ASAH2: variants seen among roughly 807,000 people sequenced by gnomAD.
The protein encoded by ASAH2 is N-acylsphingosine amidohydrolase 2.
Under a neutral mutation model 82.9 loss-of-function variants are expected in ASAH2, and 58 were observed. That is an observed-to-expected ratio of 0.70 (90% CI 0.57 to 0.87). The LOEUF (loss-of-function observed/expected upper bound fraction) is 0.87. ASAH2 is among the 40% of genes least tolerant of loss of function. ASAH2 has a pLI of 0.00. For missense variants in ASAH2, 779 were observed against 834.0 expected, an observed-to-expected ratio of 0.93 and a Z score of 0.81; for synonymous variants, 276 against 289.7, an observed-to-expected ratio of 0.95 and a Z score of 0.48.
Position 50,236,017 on chromosome 10 carries a change from A to G in ASAH2, c.558T>C (p.Asp186=). ...TGTGAGTGCCACTCAGGATGACATT[A>G]TCTCTTCTGTACAGGGAGCCATATT... is the stretch of plus-strand genomic sequence containing the variant. ...QSKYGSLYRR[D]NVILSGTHTH... is the part of the protein sequence containing the mutation. The change falls in exon 5 of 21, where the codon GAT becomes GAC. Residue 186 remains aspartate, a synonymous_variant. Coordinates refer to ENST00000682911, the MANE Select transcript of ASAH2 (RefSeq NM_019893.4). The G allele has an allele frequency of 3.1e-6, 5 of 1,613,326 alleles. No individual in the cohort carries two copies. Among genetic ancestry groups the G allele is most frequent in the Non-Finnish European group, 3.4e-6 (4 of 1,179,424 alleles).
intron 6 of ASAH2, among the ~76,000 whole-genome samples, chr10:50,233,594 A>T (rs1846069999): frequency 6.6e-6 from 1 of 152,162 alleles, no homozygotes; most frequent in Admixed American, 6.6e-5. Context: ...ATTTTTAATG[A>T]AATCTCTTTA....
intron 1 of ASAH2, among the ~76,000 whole-genome samples, chr10:50,249,741 A>G (rs764684521): frequency 2.0e-5 from 3 of 152,190 alleles, no homozygotes; most frequent in Admixed American, 6.5e-5. Context: ...AGTAGCAAAG[A>G]GTCTGTGCTC....
At chr10:50,200,249 C>T (rs1845104317) in intron 16 of ASAH2, among the ~76,000 whole-genome samples, 1 of 151,086 alleles carries the variant, frequency 6.6e-6, no homozygotes, top group African/African-American at 2.4e-5. Context: ...TGCTTAGAAT[C>T]CTACTGCAGT....
chr10:50,244,143 T>C (rs1242251031), intron 3 of ASAH2, among the ~76,000 whole-genome samples: 7 of 152,346 alleles, frequency 4.6e-5, no homozygotes, highest in African/African-American at 1.7e-4. Flanking sequence ...GCGGGACATA[T>C]GCAGAACGAC....
intron 16 of ASAH2, among the ~76,000 whole-genome samples, chr10:50,202,421 G>A (rs1407477626): frequency 6.6e-6 from 1 of 151,882 alleles, no homozygotes; most frequent in East Asian, 1.9e-4. Context: ...TATACTGTGA[G>A]GATTACTTTA....
At chr10:50,236,443 A>G (rs1846161085) in intron 4 of ASAH2, among the ~76,000 whole-genome samples, 1 of 152,066 alleles carries the variant, frequency 6.6e-6, no homozygotes, top group African/African-American at 2.4e-5. Flanking sequence ...CACCCTCATG[A>G]TTCAATTACC....
rs1291333768 is a variant in ASAH2, at chr10:50,215,975, G to A, written c.1015-1107C>T. ...GCACATATACACCATGGAATACTAT[G>A]CAGCCATAAAAAAGGATGAGTTCAT... On this transcript the variant is annotated intron_variant, in intron 8 of 20. Transcript: ENST00000682911. Among the ~76,000 whole-genome samples the A allele has an allele frequency of 2.0e-5, 3 of 152,148 alleles. No individual in the cohort carries two copies. The East Asian group carries it at 5.8e-4, about 29-fold the overall frequency.
rs905585560 is a variant in ASAH2 at position 50,240,353 on chromosome 10, T to C, written c.510+2849A>G. 3.5e-3 allele frequency among the ~76,000 whole-genome samples: 540 copies of C among 152,324 alleles called. 1 individual carries two copies. Among genetic ancestry groups the C allele is most frequent in the Non-Finnish European group, 6.3e-3 (426 of 68,024 alleles). ...ATCCCTCTGTTTGAAATACCTAGTA[T>C]GATGATTACTGTTTTCTTAACTGGA... On this transcript the variant is annotated intron_variant, in intron 4 of 20. Transcript: ENST00000682911.
intron 10 of ASAH2, 62 bp from the exon 11 acceptor site, chr10:50,211,196 A>AT: frequency 8.6e-7 from 1 of 1,169,196 alleles, no homozygotes; most frequent in Non-Finnish European, 1.3e-6. Context: ...CTCCAACTGT[A>AT]CTCAGGAAGT....
chr10:50,246,242 C>A (rs1846454353), intron 2 of ASAH2, among the ~76,000 whole-genome samples: 1 of 152,024 alleles, frequency 6.6e-6, no homozygotes, highest in South Asian at 2.1e-4. Flanking sequence ...ACTAAGTGAG[C>A]AAATCACTTA....
At chr10:50,218,303 T>C (rs1021620163) in intron 8 of ASAH2, among the ~76,000 whole-genome samples, 11 of 152,300 alleles carry the variant, frequency 7.2e-5, no homozygotes, top group Admixed American at 2.0e-4. Context: ...AAGGACTATG[T>C]AACACAAAAA....
chr10:50,218,683 C>A lies in ASAH2; in HGVS notation c.894-53G>T, dbSNP rs1845672411. ...AATCAGGAGAACGAGAGAACTGGGGCCAAGAACTATGACTGGGAGCTTAAG... is the reference window on the plus strand; with the variant it reads ...AATCAGGAGAACGAGAGAACTGGGGACAAGAACTATGACTGGGAGCTTAAG... On this transcript the variant is annotated intron_variant, in intron 7 of 20. Transcript: ENST00000682911. 3 of 1,609,350 alleles carry A rather than the reference C, an allele frequency of 1.9e-6. No homozygotes were observed. In the South Asian group the frequency reaches 3.3e-5, roughly 18 times the overall value.
At chr10:50,246,956 G>A (rs1846473925) in intron 2 of ASAH2, among the ~76,000 whole-genome samples, 1 of 152,060 alleles carries the variant, frequency 6.6e-6, no homozygotes, top group African/African-American at 2.4e-5. Flanking sequence ...TAAACAGTAG[G>A]ACTAGCATCC....
intron 4 of ASAH2, among the ~76,000 whole-genome samples, chr10:50,238,470 T>C (rs1395630372): frequency 1.3e-5 from 2 of 152,288 alleles, no homozygotes; most frequent in Admixed American, 1.3e-4. Flanking sequence ...TCCTTCTGTA[T>C]TCCTTCTCTT....
At chr10:50,200,772 A>G (rs1371178351) in intron 16 of ASAH2, among the ~76,000 whole-genome samples, 3 of 152,112 alleles carry the variant, frequency 2.0e-5, no homozygotes, top group Non-Finnish European at 4.4e-5. Context: ...TGAAGTAATT[A>G]ATAGTAATAC....
At chr10:50,214,396 G>T (rs1169333488) in intron 9 of ASAH2, among the ~76,000 whole-genome samples, 1 of 152,124 alleles carries the variant, frequency 6.6e-6, no homozygotes, top group African/African-American at 2.4e-5. Context: ...TAATCCATGA[G>T]AAATGTCTCA....
Position 50,211,106 on chromosome 10 carries a change from A to T in ASAH2, c.1256T>A (p.Val419Glu). 1 of 1,613,490 alleles carries T rather than the reference A, an allele frequency of 6.2e-7. No individual in the cohort carries two copies. The highest frequency in any genetic ancestry group is 8.5e-7 in the Non-Finnish European group (1 of 1,179,602). ...GTGTGCTGAAGCCAGTGGTCCTGTT[A>T]CCTCCTGGGAGGCAGAGGCATAGAG... The part of the protein sequence containing the change: ...KELYASASQE[V>E]TGPLASAHQW... The change falls in exon 11 of 21, where the codon GTA (valine) becomes GAA (glutamate). Residue 419 changes from valine (V) to glutamate (E), a missense_variant. Physicochemically the swap from Val to Glu is moderately radical, Grantham distance 121. Around this residue, in one of 3 missense-constraint regions of ASAH2, gnomAD observed 759 missense variants for 755.2 expected, o/e 1.00. Transcript: ENST00000682911.
chr10:50,224,452 T>C (rs1342979740), intron 7 of ASAH2, among the ~76,000 whole-genome samples: 1 of 152,154 alleles, frequency 6.6e-6, no homozygotes, highest in Non-Finnish European at 1.5e-5. Flanking sequence ...GTGTTCAACA[T>C]TCGCAACACA....
chr10:50,225,039 T>A, intron 7 of ASAH2, among the ~76,000 whole-genome samples: 1 of 152,226 alleles, frequency 6.6e-6, no homozygotes, highest in East Asian at 1.9e-4. Flanking sequence ...AGAGAAGTGA[T>A]GTACGTTCTC....
Sources: gnomAD v4.1 joint callset for allele counts (sites outside exome capture counted in the v4.1 genomes callset) on GRCh38, gnomAD v4.1.1 for gene constraint, gnomAD v4.1.1 regional missense constraint, MANE v1.5 for transcripts, NCBI Gene and HGNC (gene_info 2026-07-23, HGNC 2026-07-21) for gene names.